The following CCDC167 variants were observed in gnomAD, a reference collection of about 807,000 sequenced individuals.
CCDC167 encodes coiled-coil domain containing 167, also known as coiled-coil domain-containing protein 167.
Under a neutral mutation model 12.7 loss-of-function variants are expected in CCDC167, and 15 were observed. That is an observed-to-expected ratio of 1.18 (90% confidence interval 0.79 to 1.81). The LOEUF (loss-of-function observed/expected upper bound fraction) is 1.81. CCDC167 is among the 40% of genes most tolerant of loss of function. The probability of loss-of-function intolerance (pLI) is 0.00; values close to 1 mark genes in which losing one functional copy is unlikely to be tolerated. For missense variants in CCDC167, 121 were observed against 120.1 expected, an observed-to-expected ratio of 1.01 and a Z score of -0.03; for synonymous variants, 52 against 49.0, an observed-to-expected ratio of 1.06 and a Z score of -0.26.
chr6:37,493,533 G>T (rs1438246376), intron 1 of CCDC167, among the ~76,000 whole-genome samples: 1 of 152,268 alleles, frequency 6.6e-6, no homozygotes, highest in Admixed American at 6.5e-5. Flanking sequence ...AGAGCCAGAT[G>T]TAGGCTGCCG....
chr6:37,491,407 TGGTGCTGGGCTACACAGGC>T (rs1762020317), intron 1 of CCDC167, among the ~76,000 whole-genome samples: 1 of 152,172 alleles, frequency 6.6e-6, no homozygotes, highest in Non-Finnish European at 1.5e-5. Context: ...CCCCGGGGCC[TGGTGCTGGGCTACACAGGC>T]CACTCTGCTT....
chr6:37,494,489 C>T (rs1378094327), intron 1 of CCDC167, among the ~76,000 whole-genome samples: 1 of 152,204 alleles, frequency 6.6e-6, no homozygotes, highest in Non-Finnish European at 1.5e-5. Context: ...TGCTCCTTTG[C>T]CCACCTCTAC....
chr6:37,489,617 G>T (rs993941237), intron 1 of CCDC167, among the ~76,000 whole-genome samples: 8 of 152,224 alleles, frequency 5.3e-5, no homozygotes, highest in Admixed American at 5.2e-4. Flanking sequence ...GGGCATCTGA[G>T]GAAATGTGGA....
intron 2 of CCDC167, 74 bp from the exon 3 acceptor site, chr6:37,484,936 T>C (rs1053142683): frequency 5.1e-6 from 8 of 1,581,522 alleles, no homozygotes; most frequent in East Asian, 4.5e-5. Flanking sequence ...GGCATGCCAG[T>C]TGGCAGGGCT....
Position 37,499,839 on chromosome 6 carries a change from G to A in CCDC167, c.25C>T (p.Leu9=). The A allele has an allele frequency of 6.2e-7, 1 of 1,614,174 alleles. No individual in the cohort carries two copies. Among genetic ancestry groups the A allele is most frequent in the Non-Finnish European group, 8.5e-7 (1 of 1,180,032 alleles). The change falls in exon 1 of 4, where the codon CTG becomes TTG. Residue 9 remains leucine (L), a synonymous_variant. Coordinates refer to ENST00000373408, the MANE Select transcript of CCDC167 (RefSeq NM_138493.3). ...CCCCTCACCTCTAGAGCGACGCCCAGATTCTCCCGCTTCTTTTTAGTCATG... is the reference window on the plus strand; with the variant it reads ...CCCCTCACCTCTAGAGCGACGCCCAAATTCTCCCGCTTCTTTTTAGTCATG... MTKKKREN[L]GVALEIDGLE...
chr6:37,495,793 T>G (rs1465227001), intron 1 of CCDC167, among the ~76,000 whole-genome samples: 1 of 152,232 alleles, frequency 6.6e-6, no homozygotes, highest in Non-Finnish European at 1.5e-5. Flanking sequence ...TTTATTGCAC[T>G]CGTCAGATTA....
rs777167224 is a variant in CCDC167, at chr6:37,499,852, C to G, written c.12G>C (p.Lys4Asn). 4.0e-5 allele frequency: 65 copies of G among 1,614,066 alleles called. No individual in the cohort carries two copies. The highest frequency in any genetic ancestry group is 5.2e-5 in the Non-Finnish European group (61 of 1,180,038). Residue 4 changes from lysine to asparagine, a missense_variant, in exon 1 of 4, where the codon AAG becomes AAC. Coordinates refer to ENST00000373408, the MANE Select transcript of CCDC167 (RefSeq NM_138493.3). Reference sequence around the variant, plus strand: ...GAGCGACGCCCAGATTCTCCCGCTTCTTTTTAGTCATGTTACTTGCCGGGA... The same window carrying G: ...GAGCGACGCCCAGATTCTCCCGCTTGTTTTTAGTCATGTTACTTGCCGGGA... Reference protein sequence around the residue: MTKKKRENLGVALE... With the variant: MTKNKRENLGVALE...
At chr6:37,488,176 A>G (rs1213848203) in intron 1 of CCDC167, among the ~76,000 whole-genome samples, 1 of 152,266 alleles carries the variant, frequency 6.6e-6, no homozygotes, top group East Asian at 1.9e-4. Flanking sequence ...CCAGCTGTCA[A>G]CATGAGTGGA....
At chr6:37,486,224 C>T (rs1009850802) in intron 1 of CCDC167, among the ~76,000 whole-genome samples, 13 of 152,242 alleles carry the variant, frequency 8.5e-5, no homozygotes, top group African/African-American at 3.1e-4. Context: ...ATAAGACCTC[C>T]ATTTCACGAA....
Position 37,483,024 on chromosome 6 carries a change from G to GGCCAGGGAGGCAAGGCCTGGGCC in CCDC167, c.*139_*161dup, listed in dbSNP as rs1280974298. 1.1e-5 allele frequency: 8 copies of GGCCAGGGAGGCAAGGCCTGGGCC among 702,130 alleles called. No individual in the cohort carries two copies. The Admixed American group carries it at 1.4e-4, about 12-fold the overall frequency. 43.5% of individuals were successfully genotyped at this position (702,130 alleles called of 1,614,324 possible). On this transcript the variant is annotated 3_prime_UTR_variant, in exon 4 of 4. Coordinates refer to ENST00000373408, the MANE Select transcript of CCDC167 (RefSeq NM_138493.3). The stretch of plus-strand genomic sequence containing the variant: ...TCTGGAGACCCGGAACCCCCCAGCA[G>GGCCAGGGAGGCAAGGCCTGGGCC]GCCAGGGAGGCAAGGCCTGGGCCGC...
intron 3 of CCDC167, among the ~76,000 whole-genome samples, chr6:37,484,220 C>G (rs1761909202): frequency 6.6e-6 from 1 of 152,188 alleles, no homozygotes. Flanking sequence ...AGGCCTGGTC[C>G]CCCAGGGGAG....
chr6:37,492,309 G>A (rs968020725), intron 1 of CCDC167, among the ~76,000 whole-genome samples: 1 of 151,974 alleles, frequency 6.6e-6, no homozygotes, highest in Admixed American at 6.6e-5. Context: ...ATCTAAGCTT[G>A]CTGATCTGGC....
chr6:37,485,068 G>A (rs766506446), intron 2 of CCDC167, 32 bp downstream of exon 2: 2 of 1,580,040 alleles, frequency 1.3e-6, no homozygotes, highest in Non-Finnish European at 1.7e-6. Flanking sequence ...GGCCTGATGG[G>A]GAAGGGTGGG....
At chr6:37,484,884 A>G in intron 2 of CCDC167, 22 bp from the exon 3 acceptor site, 1 of 1,614,154 alleles carries the variant, frequency 6.2e-7, no homozygotes, top group Non-Finnish European at 8.5e-7. Context: ...AAGGAGCTTC[A>G]TGGACCAAAC....
intron 1 of CCDC167, among the ~76,000 whole-genome samples, chr6:37,492,127 T>C (rs1444944658): frequency 2.0e-5 from 3 of 152,234 alleles, no homozygotes; most frequent in Admixed American, 6.5e-5. Flanking sequence ...TTCAGCACCT[T>C]GCCCAAGGTC....
rs546123516 is a variant in CCDC167 at position 37,499,881 on chromosome 6, C to T, written c.-18G>A. The T allele has an allele frequency of 1.9e-6, 3 of 1,614,134 alleles. No individual in the cohort carries two copies. The highest frequency in any genetic ancestry group is 1.7e-6 in the Non-Finnish European group (2 of 1,180,000). ...TTAGTCATGTTACTTGCCGGGATCC[C>T]CCAGTCATCACTGGACGCGCCCACC... On this transcript the variant is annotated 5_prime_UTR_variant, in exon 1 of 4. Transcript: ENST00000373408.
intron 1 of CCDC167, among the ~76,000 whole-genome samples, chr6:37,489,965 A>G (rs931655676): frequency 2.6e-5 from 4 of 152,216 alleles, no homozygotes; most frequent in Admixed American, 1.3e-4. Flanking sequence ...CTGCTGTACA[A>G]TAACATTAAG....
At chr6:37,488,584 A>T (rs986316466) in intron 1 of CCDC167, among the ~76,000 whole-genome samples, 1 of 152,224 alleles carries the variant, frequency 6.6e-6, no homozygotes, top group African/African-American at 2.4e-5. Context: ...CTGGGCAAGC[A>T]GTTGGGAGCT....
intron 1 of CCDC167, among the ~76,000 whole-genome samples, chr6:37,490,545 G>C (rs1762005059): frequency 6.6e-6 from 1 of 152,208 alleles, no homozygotes; most frequent in Non-Finnish European, 1.5e-5. Flanking sequence ...GAGAACTGCT[G>C]CTTCTCAGTA....
Sources: gnomAD v4.1 joint callset for allele counts (sites outside exome capture counted in the v4.1 genomes callset) on GRCh38, gnomAD v4.1.1 for gene constraint, MANE v1.5 for transcripts, NCBI Gene and HGNC (gene_info 2026-07-23, HGNC 2026-07-21) for gene names.